Variants in ADAD2 observed in about 807,000 individuals in gnomAD.
The protein encoded by ADAD2 is adenosine deaminase domain containing 2, also known as adenosine deaminase domain-containing protein 2.
ADAD2 carries 60 observed loss-of-function variants against 54.5 expected under a neutral mutation model. That is an observed-to-expected ratio of 1.10 (90% CI 0.89 to 1.36). The LOEUF (loss-of-function observed/expected upper bound fraction) is 1.36. Among genes scored for constraint, ADAD2 ranks in the 40% most tolerant of loss-of-function variants. The pLI is 0.00. For missense variants in ADAD2, 1,103 were observed against 801.3 expected, an observed-to-expected ratio of 1.38 and a Z score of -4.54; for synonymous variants, 543 against 366.2, an observed-to-expected ratio of 1.48 and a Z score of -5.51.
chr16:84,192,997 C>CACA (rs2089675058), intron 1 of ADAD2: 10 of 151,740 alleles, frequency 6.6e-5, no homozygotes, highest in Non-Finnish European at 1.3e-4. Flanking sequence ...GACTTGTGCC[C>CACA]CCGTGCCCAG....
intron 1 of ADAD2, chr16:84,194,068 G>C: frequency 6.2e-7 from 1 of 1,612,164 alleles, no homozygotes; most frequent in Non-Finnish European, 8.5e-7. Context: ...TCTGTGGCAG[G>C]TGGAAGTGCT....
chr16:84,196,349 C>T lies in ADAD2; in HGVS notation c.1505C>T (p.Ala502Val), dbSNP rs1480212751. Reference protein sequence around the residue: ...GDPGIEVVDVATGRVKANAAL... With the variant: ...GDPGIEVVDVVTGRVKANAAL... ...CCTGGCATCGAGGTTGTGGATGTGG[C>T]CACCGGGCGTGTGAAGGCCAAGTGA... The change falls in exon 8 of 10, where the codon GCC (alanine) becomes GTC (valine). Residue 502 changes from alanine (A) to valine (V), a missense_variant. Coordinates refer to ENST00000315906, the MANE Select transcript of ADAD2 (RefSeq NM_001145400.2). 3 of 1,612,278 alleles carry T rather than the reference C, an allele frequency of 1.9e-6. No homozygotes were observed. Among genetic ancestry groups the T allele is most frequent in the Non-Finnish European group, 2.5e-6 (3 of 1,179,640 alleles).
rs1374579498 is a variant in ADAD2 at position 84,196,381 on chromosome 16, C to G, written c.1526+11C>G. 3 of 1,605,122 alleles carry G rather than the reference C, an allele frequency of 1.9e-6. No individual in the cohort carries two copies. The highest frequency in any genetic ancestry group is 2.6e-6 in the Non-Finnish European group (3 of 1,176,182). On this transcript the variant is annotated intron_variant, in intron 8 of 9. Coordinates refer to ENST00000315906, the MANE Select transcript of ADAD2 (RefSeq NM_001145400.2). ...GCGTGTGAAGGCCAAGTGAGAAGGG[C>G]CCCCTGGGGCCGGGCTGTGGAGCAG...
intron 8 of ADAD2, 96 bp downstream of exon 8, chr16:84,196,466 C>T (rs1008727143): frequency 4.3e-6 from 3 of 695,370 alleles, no homozygotes; most frequent in Non-Finnish European, 6.0e-6. Flanking sequence ...CCAGCGCAAC[C>T]CCTTCGCTCA....
At chr16:84,195,243 C>T (rs1336769101) in intron 4 of ADAD2, 49 bp downstream of exon 4, 1 of 1,610,396 alleles carries the variant, frequency 6.2e-7, no homozygotes, top group Non-Finnish European at 8.5e-7. Flanking sequence ...CTGGGAAGGG[C>T]CCCCTCAAGC....
At position 84,196,891 on chromosome 16, in the gene ADAD2, C is replaced by G. The variant is rs559741061; in HGVS notation, c.1669C>G (p.Arg557Gly). The change falls in exon 10 of 10, where the codon CGC (arginine) becomes GGC (glycine). Residue 557 changes from arginine to glycine, a missense_variant. Transcript: ENST00000315906. ...AAKAGPYQEA[R>G]RQLSLLLDQQ... is the part of the protein sequence containing the mutation. ...CTAGGCTGGGCCCTACCAGGAGGCT[C>G]GCAGGCAGCTGTCTCTCCTCCTGGA... is the stretch of plus-strand genomic sequence containing the variant. The G allele has an allele frequency of 1.9e-6, 3 of 1,593,760 alleles. No individual in the cohort carries two copies. Among genetic ancestry groups the G allele is most frequent in the Non-Finnish European group, 2.6e-6 (3 of 1,170,758 alleles).
In ADAD2 at chr16:84,196,120, C is replaced by A. The variant is rs1184112122; in HGVS notation, c.1283-7C>A. ...ACTCACCTTGTCCTGTCCCTTCTGC[C>A]CTGCAGCTGACTCATGCCACGACCC... is the stretch of plus-strand genomic sequence containing the variant. On this transcript the variant is annotated splice_region_variant and splice_polypyrimidine_tract_variant and intron_variant, in intron 7 of 9. Transcript: ENST00000315906. 6.2e-7 allele frequency: 1 copy of A among 1,601,568 alleles called. No homozygotes were observed. Among genetic ancestry groups the A allele is most frequent in the East Asian group, 2.2e-5 (1 of 44,848 alleles).
Position 84,191,543 on chromosome 16 carries a change from A to G in ADAD2, c.313A>G (p.Ser105Gly), listed in dbSNP as rs1403137031. Residue 105 changes from serine to glycine, a missense_variant, in exon 1 of 10, where the codon AGC becomes GGC. By Grantham distance (56) the Ser-to-Gly change is moderately conservative (BLOSUM62 0). Coordinates refer to ENST00000315906, the MANE Select transcript of ADAD2 (RefSeq NM_001145400.2). Reference protein sequence around the residue: ...PRVPVPPAGLSLPLKDPPASQ... With the variant: ...PRVPVPPAGLGLPLKDPPASQ... ...GGTCCCTGTGCCCCCAGCAGGGCTC[A>G]GCCTGCCGCTCAAAGACCCACCTGC... The G allele has an allele frequency of 1.3e-6, 2 of 1,547,910 alleles. No individual in the cohort carries two copies. The highest frequency in any genetic ancestry group is 1.7e-6 in the Non-Finnish European group (2 of 1,146,730).
At chr16:84,193,692 G>C (rs2089686314) in intron 1 of ADAD2, 1 of 254,884 alleles carries the variant, frequency 3.9e-6, no homozygotes, top group Non-Finnish European at 7.5e-6. Flanking sequence ...TGCTTTGATG[G>C]TTCTCCCCAG....
intron 1 of ADAD2, among the ~76,000 whole-genome samples, chr16:84,192,111 C>T (rs1306906162): frequency 1.3e-5 from 2 of 152,126 alleles, no homozygotes; most frequent in Non-Finnish European, 2.9e-5. Flanking sequence ...TCAATACATA[C>T]CCCTTAAATC....
chr16:84,194,627 G>A, intron 2 of ADAD2, 45 bp downstream of exon 2: 1 of 1,575,530 alleles, frequency 6.3e-7, no homozygotes, highest in Non-Finnish European at 8.6e-7. Context: ...CTGGGGACAA[G>A]AGGACTGAGG....
intron 3 of ADAD2, 31 bp downstream of exon 3, chr16:84,195,011 A>C: frequency 6.2e-7 from 1 of 1,611,944 alleles, no homozygotes; most frequent in Non-Finnish European, 8.5e-7. Flanking sequence ...CCAGGCTTGT[A>C]GTGTCGAGGG....
At chr16:84,196,096 C>T (rs1450060789) in intron 7 of ADAD2, 31 bp from the exon 8 acceptor site, 2 of 1,599,986 alleles carry the variant, frequency 1.3e-6, no homozygotes, top group South Asian at 2.2e-5. Context: ...AGGGAGGTCA[C>T]TCACCTTGTC....
rs1323731807 is a variant in ADAD2, at chr16:84,191,502, T to G, written c.272T>G (p.Met91Arg). Reference protein sequence around the residue: ...ARAWENLGEQMGKAPRVPVPP... With the variant: ...ARAWENLGEQRGKAPRVPVPP... ...GCGTGGGAAAACTTGGGGGAACAGATGGGGAAGGCCCCGAGGGTCCCTGTG... is the reference window on the plus strand; with the variant it reads ...GCGTGGGAAAACTTGGGGGAACAGAGGGGGAAGGCCCCGAGGGTCCCTGTG... Residue 91 changes from methionine (M) to arginine (R), a missense_variant, in exon 1 of 10, where the codon ATG becomes AGG. Transcript: ENST00000315906. 1 of 1,542,510 alleles carries G rather than the reference T, an allele frequency of 6.5e-7. No homozygotes were observed. The highest frequency in any genetic ancestry group is 1.2e-5 in the South Asian group (1 of 83,862).
chr16:84,191,735 A>G, intron 1 of ADAD2, 87 bp downstream of exon 1: 1 of 1,524,782 alleles, frequency 6.6e-7, no homozygotes, highest in Non-Finnish European at 8.8e-7. Context: ...GGGTCTGGGG[A>G]AGGTGGACCT....
Position 84,195,639 on chromosome 16 carries a change from C to T in ADAD2, c.994C>T (p.Arg332Cys), listed in dbSNP as rs763550117. The T allele has an allele frequency of 1.5e-5, 24 of 1,602,364 alleles. No individual in the cohort carries two copies. The highest frequency in any genetic ancestry group is 3.3e-4 in the Middle Eastern group (2 of 5,996). Residue 332 changes from arginine to cysteine, a missense_variant, in exon 6 of 10, where the codon CGC becomes TGC. Coordinates refer to ENST00000315906, the MANE Select transcript of ADAD2 (RefSeq NM_001145400.2). ...GPGPPFTLKP[R>C]VFLHLYISNT... ...CGGACCCCCATTCACCCTCAAGCCC[C>T]GCGTCTTCCTGCACCTCTACATCAG...
At chr16:84,193,944 T>G (rs2089690021) in intron 1 of ADAD2, 1 of 1,454,008 alleles carries the variant, frequency 6.9e-7, no homozygotes, top group South Asian at 1.3e-5. Flanking sequence ...GTGATCCCAG[T>G]TCCAGATTTT....
chr16:84,195,631 T>G lies in ADAD2; in HGVS notation c.986T>G (p.Leu329Arg). 6.2e-7 allele frequency: 1 copy of G among 1,602,972 alleles called. No homozygotes were observed. Among genetic ancestry groups the G allele is most frequent in the East Asian group, 2.2e-5 (1 of 44,738 alleles). ...PQPGPGPPFT[L>R]KPRVFLHLYI... is the part of the protein sequence containing the mutation. ...CCAGGGCCCGGACCCCCATTCACCC[T>G]CAAGCCCCGCGTCTTCCTGCACCTC... Residue 329 changes from leucine to arginine, a missense_variant, in exon 6 of 10, where the codon CTC (leucine) becomes CGC (arginine). By Grantham distance (102) the Leu-to-Arg change is moderately radical. Coordinates refer to ENST00000315906, the MANE Select transcript of ADAD2 (RefSeq NM_001145400.2).
chr16:84,191,302 G>A lies in ADAD2; in HGVS notation c.72G>A (p.Gln24=), dbSNP rs748469619. ...RRKPRLAASL[Q]ISPQPRPWRP... is the part of the protein sequence containing the mutation. ...AGCCCCGCCTGGCTGCATCGTTGCAGATCAGCCCCCAGCCCCGCCCCTGGC... is the reference window on the plus strand; with the variant it reads ...AGCCCCGCCTGGCTGCATCGTTGCAAATCAGCCCCCAGCCCCGCCCCTGGC... Residue 24 remains glutamine (Q), a synonymous_variant, in exon 1 of 10, where the codon CAG becomes CAA. Coordinates refer to ENST00000315906, the MANE Select transcript of ADAD2 (RefSeq NM_001145400.2). 1.3e-6 allele frequency: 2 copies of A among 1,598,058 alleles called. No homozygotes were observed. Among genetic ancestry groups the A allele is most frequent in the African/African-American group, 2.7e-5 (2 of 74,516 alleles).
Sources: allele counts gnomAD v4.1 joint callset (sites outside exome capture counted in the v4.1 genomes callset), GRCh38; gene constraint gnomAD v4.1.1; transcripts MANE v1.5; gene names NCBI Gene and HGNC (gene_info 2026-07-23, HGNC 2026-07-21).